The following C7 variants were observed in gnomAD, a reference collection of about 807,000 sequenced individuals.
The protein encoded by C7 is complement C7.
C7 carries 83 observed loss-of-function variants against 104.8 expected under a neutral mutation model. The observed-to-expected ratio is 0.79, with a 90% CI of 0.66 to 0.95. The LOEUF (loss-of-function observed/expected upper bound fraction) is 0.95, where lower values mean the gene tolerates loss of function less well. C7 is among the 40% of genes least tolerant of loss of function. The pLI, the probability that C7 is intolerant of heterozygous loss-of-function variation, is 0.00. For missense variants in C7, 1,070 were observed against 1,011.2 expected (o/e 1.06, Z -0.79); for synonymous variants, 415 against 360.6 (o/e 1.15, Z -1.71).
intron 6 of C7, among the ~76,000 whole-genome samples, chr5:40,939,037 G>A (rs1343406760): frequency 3.9e-5 from 6 of 151,904 alleles, no homozygotes; most frequent in African/African-American, 1.5e-4. Context: ...TCCTCCCTTT[G>A]TCCCCAAACT....
In C7 at chr5:40,958,181, G is replaced by A; in HGVS notation, c.1409G>A (p.Gly470Glu). Reference protein sequence around the residue: ...CQNGGLATVEGTHCLCHCKPY... With the variant: ...CQNGGLATVEETHCLCHCKPY... ...AATGGTGGTTTGGCTACTGTTGAGG[G>A]GACCCATTGTCTGTGCCATTGCAAA... The change falls in exon 11 of 18, where the codon GGG (glycine) becomes GAG (glutamate). Residue 470 changes from glycine to glutamate, a missense_variant. Gly to Glu is a moderately conservative substitution (Grantham distance 98). Coordinates refer to ENST00000313164, the MANE Select transcript of C7 (RefSeq NM_000587.4). The A allele has an allele frequency of 6.2e-7, 1 of 1,613,728 alleles. No homozygotes were observed. The highest frequency in any genetic ancestry group is 1.3e-5 in the African/African-American group (1 of 75,020).
rs1740035428 is a variant in C7 at position 40,945,872 on chromosome 5, ATACATATATATAT to A, written c.738+505_738+517del. ...GAGTGAGACCCTGTCTCAAAAAAAA[ATACATATATATAT>A]ATATATATATATATATATATATATG... On this transcript the variant is annotated intron_variant, in intron 7 of 17. Transcript: ENST00000313164. 5.0e-5 allele frequency among the ~76,000 whole-genome samples: 3 copies of A among 59,424 alleles called. No homozygotes were observed. In the Admixed American group the frequency reaches 6.8e-4, roughly 13 times the overall value. 39.0% of individuals were successfully genotyped at this position (59,424 alleles called of 152,430 possible). A position where few individuals can be genotyped will look rare whatever the true frequency, so the allele number is the denominator to read the frequency against.
chr5:40,924,856 G>A (rs371868981), intron 1 of C7, among the ~76,000 whole-genome samples: 1 of 152,182 alleles, frequency 6.6e-6, no homozygotes, highest in African/African-American at 2.4e-5. Context: ...GGCTGTGCAG[G>A]GCAGCAAGAC....
chr5:40,967,412 TTTTATTTA>T (rs1430356302), intron 14 of C7: 1 of 152,158 alleles, frequency 6.6e-6, no homozygotes, highest in African/African-American at 2.4e-5. Flanking sequence ...TTATTTTTTA[TTTTATTTA>T]TTTATTTATT....
chr5:40,913,469 C>T (rs1399563388), intron 1 of C7, among the ~76,000 whole-genome samples: 10 of 152,134 alleles, frequency 6.6e-5, no homozygotes, highest in Non-Finnish European at 1.0e-4. Flanking sequence ...TCACTTATCT[C>T]TGCATTCCTA....
In C7 at chr5:40,955,536, C is replaced by G. The variant is rs771110973; in HGVS notation, c.1243C>G (p.Gln415Glu). Residue 415 changes from glutamine to glutamate, a missense_variant, in exon 10 of 18, where the codon CAA (glutamine) becomes GAA (glutamate). Physicochemically the swap from Gln to Glu is conservative, Grantham distance 29. Coordinates refer to ENST00000313164, the MANE Select transcript of C7 (RefSeq NM_000587.4). ...GGCAGAATCTGTGACTAATCTTCCT[C>G]AAGTCATAAAACAAAAGGTATGTCA... ...AWAESVTNLP[Q>E]VIKQKLTPLY... 6.2e-7 allele frequency: 1 copy of G among 1,612,126 alleles called. No homozygotes were observed. The highest frequency in any genetic ancestry group is 1.7e-5 in the Admixed American group (1 of 59,718).
chr5:40,936,622 T>C, intron 5 of C7, 137 bp downstream of exon 5: 1 of 749,458 alleles, frequency 1.3e-6, no homozygotes, highest in East Asian at 2.7e-5. Flanking sequence ...CTTTGCCACA[T>C]CCTGAGACAG....
intron 2 of C7, 66 bp from the exon 3 acceptor site, chr5:40,930,998 T>C: frequency 9.2e-7 from 1 of 1,091,980 alleles, no homozygotes; most frequent in Non-Finnish European, 1.4e-6. Flanking sequence ...CTGTTTTCAC[T>C]ATTCTTTGTG....
chr5:40,948,090 G>A (rs548922496), intron 8 of C7, among the ~76,000 whole-genome samples: 2 of 152,200 alleles, frequency 1.3e-5, no homozygotes, highest in Non-Finnish European at 2.9e-5. Flanking sequence ...TATCTCTAGA[G>A]GGTATTGGCT....
intron 14 of C7, among the ~76,000 whole-genome samples, chr5:40,969,986 C>A (rs575080143): frequency 1.3e-5 from 2 of 151,898 alleles, no homozygotes; most frequent in Admixed American, 1.3e-4. Context: ...GTGAAAACAG[C>A]AAACGCATTA....
At chr5:40,965,475 AC>A (rs1373505780) in intron 14 of C7, among the ~76,000 whole-genome samples, 1 of 152,136 alleles carries the variant, frequency 6.6e-6, no homozygotes, top group Non-Finnish European at 1.5e-5. Flanking sequence ...GGGTATTCAT[AC>A]ATTGGGTATA....
intron 1 of C7, among the ~76,000 whole-genome samples, chr5:40,913,855 A>G (rs1350113030): frequency 6.6e-6 from 1 of 151,794 alleles, no homozygotes. Flanking sequence ...AATTTTTTGT[A>G]TTTTTAGTAG....
rs1739845865 is a variant in C7, at chr5:40,937,668, A to G, written c.545A>G (p.Asn182Ser). ...DGKDFYRLSG[N>S]VLSYTFQVKI... The stretch of plus-strand genomic sequence containing the variant: ...AAAGATTTCTACAGGCTGAGTGGAA[A>G]TGTCCTGTCCTATACATTCCAGGTA... Residue 182 changes from asparagine to serine, a missense_variant, in exon 6 of 18, where the codon AAT becomes AGT. Transcript: ENST00000313164. 6.3e-7 allele frequency: 1 copy of G among 1,596,858 alleles called. No homozygotes were observed. The highest frequency in any genetic ancestry group is 2.2e-5 in the East Asian group (1 of 44,474).
In C7 at chr5:40,962,521, C is replaced by T. The variant is rs532824630; in HGVS notation, c.1749+349C>T. ...ACTCACAGAGCTTCTCTTATTTTTG[C>T]CACTGACTTTTTTTTTTCCCCCTCA... On this transcript the variant is annotated intron_variant, in intron 13 of 17. Coordinates refer to ENST00000313164, the MANE Select transcript of C7 (RefSeq NM_000587.4). Among the ~76,000 whole-genome samples, 201 of 152,008 alleles carry T rather than the reference C, an allele frequency of 1.3e-3. 1 individual carries two copies. The highest frequency in any genetic ancestry group is 2.3e-3 in the Admixed American group (35 of 15,270).
intron 6 of C7, among the ~76,000 whole-genome samples, chr5:40,938,996 C>T (rs559670663): frequency 1.4e-4 from 22 of 152,268 alleles, no homozygotes; most frequent in South Asian, 4.1e-4. Flanking sequence ...TTCTTGCTCT[C>T]GTCTTTCAAG....
At chr5:40,978,282 A>G (rs1740863227) in intron 16 of C7, among the ~76,000 whole-genome samples, 1 of 152,078 alleles carries the variant, frequency 6.6e-6, no homozygotes, top group Non-Finnish European at 1.5e-5. Flanking sequence ...GAAGAGGAAT[A>G]TAAATAACTA....
At chr5:40,936,088 A>G (rs1739808882) in intron 4 of C7, among the ~76,000 whole-genome samples, 1 of 152,138 alleles carries the variant, frequency 6.6e-6, no homozygotes, top group Non-Finnish European at 1.5e-5. Context: ...TATGGGTGAG[A>G]TCCTGAAATT....
intron 14 of C7, chr5:40,967,528 TA>T (rs1740584031): frequency 6.5e-6 from 1 of 153,560 alleles, no homozygotes; most frequent in African/African-American, 2.4e-5. Flanking sequence ...TTCATGTGCA[TA>T]CACTGCACAG....
chr5:40,974,560 T>C (rs1378778234), intron 15 of C7, among the ~76,000 whole-genome samples: 1 of 151,856 alleles, frequency 6.6e-6, no homozygotes, highest in Non-Finnish European at 1.5e-5. Context: ...GGACTACAGG[T>C]GCTCGCCACC....
Sources: gnomAD v4.1 joint callset for allele counts (sites outside exome capture counted in the v4.1 genomes callset) on GRCh38, gnomAD v4.1.1 for gene constraint, MANE v1.5 for transcripts, NCBI Gene and HGNC (gene_info 2026-07-23, HGNC 2026-07-21) for gene names.